KIF27: variants seen among roughly 807,000 people sequenced by gnomAD.
The protein encoded by KIF27 is kinesin family member 27.
A neutral mutation model predicts 141.8 loss-of-function variants in KIF27; 84 were observed. That is an observed-to-expected ratio of 0.59 (90% CI 0.50 to 0.71). The LOEUF is 0.71. KIF27 is among the 30% of genes least tolerant of loss of function. The pLI is 0.00. For synonymous variants in KIF27, 471 were observed against 569.5 expected (o/e 0.83, Z 2.46); for missense variants, 1,306 against 1,628.4 (o/e 0.80, Z 3.41).
chr9:83,912,819 T>C (rs1955303917), intron 2 of KIF27, among the ~76,000 whole-genome samples: 1 of 152,012 alleles, frequency 6.6e-6, no homozygotes, highest in Non-Finnish European at 1.5e-5. Flanking sequence ...AATTCCAACG[T>C]TCTGAAAAGC....
At chr9:83,903,010 T>C in intron 4 of KIF27, 50 bp downstream of exon 4, 1 of 1,163,912 alleles carries the variant, frequency 8.6e-7, no homozygotes, top group Non-Finnish European at 1.2e-6. Flanking sequence ...TGTACATCTA[T>C]TATGTATCAA....
At chr9:83,917,146 C>CTT (rs776829831) in intron 1 of KIF27, among the ~76,000 whole-genome samples, 2 of 151,392 alleles carry the variant, frequency 1.3e-5, no homozygotes, top group Non-Finnish European at 2.9e-5. Flanking sequence ...CCCCACCCCA[C>CTT]AACAAGCCCC....
chr9:83,834,919 A>G lies in KIF27; in HGVS notation c.*2082T>C, dbSNP rs1422988748. 6.8e-6 allele frequency among the ~76,000 whole-genome samples: 1 copy of G among 147,508 alleles called. No homozygotes were observed. Among genetic ancestry groups the G allele is most frequent in the African/African-American group, 2.5e-5 (1 of 39,452 alleles). On this transcript the variant is annotated 3_prime_UTR_variant, in exon 18 of 18. Coordinates refer to ENST00000297814, the MANE Select transcript of KIF27 (RefSeq NM_017576.4). Reference sequence around the variant, plus strand: ...ATAACCTATATCTATATACAAGTATATATATAATACTATATATATACAAGT... The same window carrying G: ...ATAACCTATATCTATATACAAGTATGTATATAATACTATATATATACAAGT...
At chr9:83,839,779 C>A (rs1169360257) in intron 17 of KIF27, among the ~76,000 whole-genome samples, 1 of 152,090 alleles carries the variant, frequency 6.6e-6, no homozygotes, top group Admixed American at 6.6e-5. Flanking sequence ...ATGGTCTCTA[C>A]TAAAAATACA....
chr9:83,862,701 G>A (rs1480758502), intron 13 of KIF27, among the ~76,000 whole-genome samples: 4 of 151,840 alleles, frequency 2.6e-5, no homozygotes, highest in Admixed American at 6.6e-5. Flanking sequence ...GTTTTTTCCA[G>A]TTCTGTGAAG....
chr9:83,917,265 A>C (rs529800839), intron 1 of KIF27, among the ~76,000 whole-genome samples: 101 of 152,320 alleles, frequency 6.6e-4, no homozygotes, highest in African/African-American at 2.3e-3. Flanking sequence ...AAATAAATTT[A>C]ACAAAAGATG....
chr9:83,843,852 A>G (rs1946875498), intron 16 of KIF27, among the ~76,000 whole-genome samples: 1 of 152,160 alleles, frequency 6.6e-6, no homozygotes, highest in Non-Finnish European at 1.5e-5. Flanking sequence ...CCTCCGGGGT[A>G]GCTGGGACCA....
At chr9:83,909,672 C>CA (rs1954943571) in intron 2 of KIF27, among the ~76,000 whole-genome samples, 1 of 146,900 alleles carries the variant, frequency 6.8e-6, no homozygotes, top group Non-Finnish European at 1.5e-5. Flanking sequence ...AGGAATGAAA[C>CA]AGACATTAAG....
chr9:83,907,291 AAAAT>A (rs201873830), intron 3 of KIF27, among the ~76,000 whole-genome samples: 47,855 of 138,226 alleles, frequency 0.35, 8,670 homozygotes, highest in Admixed American at 0.37. Context: ...CTCCATCTCA[AAAAT>A]AAATAAATAA....
chr9:83,843,212 A>C (rs563971142), intron 16 of KIF27, among the ~76,000 whole-genome samples: 51 of 147,336 alleles, frequency 3.5e-4, no homozygotes, highest in Non-Finnish European at 7.0e-4. Context: ...ACAAAGGAAA[A>C]CACCACAGAA....
intron 13 of KIF27, chr9:83,860,076 TA>T (rs1474574117): frequency 2.0e-5 from 3 of 152,210 alleles, no homozygotes; most frequent in Non-Finnish European, 4.4e-5. Flanking sequence ...GGCTTAAACA[TA>T]TAATTTGTTT....
chr9:83,868,494 A>C (rs950364108), intron 12 of KIF27: 4 of 152,236 alleles, frequency 2.6e-5, no homozygotes, highest in African/African-American at 9.7e-5. Flanking sequence ...AAAGAAAAAA[A>C]ACAAAAATAA....
chr9:83,844,309 G>GATATAT (rs1191541388), intron 16 of KIF27, among the ~76,000 whole-genome samples: 12 of 73,702 alleles, frequency 1.6e-4, no homozygotes, highest in East Asian at 1.4e-3. Flanking sequence ...TATATAGAGA[G>GATATAT]AGATATAGAT....
At chr9:83,848,454 A>T (rs923442638) in intron 16 of KIF27, among the ~76,000 whole-genome samples, 1 of 139,920 alleles carries the variant, frequency 7.1e-6, no homozygotes, top group Non-Finnish European at 1.5e-5. Flanking sequence ...CTATATGTAT[A>T]TATCTATATC....
intron 1 of KIF27, among the ~76,000 whole-genome samples, chr9:83,919,448 G>C (rs2132889086): frequency 6.6e-6 from 1 of 152,316 alleles, no homozygotes; most frequent in East Asian, 1.9e-4. Flanking sequence ...TGCAGATGAT[G>C]AAAAGTAATG....
chr9:83,878,161 CAAAA>C (rs58897060), intron 11 of KIF27, among the ~76,000 whole-genome samples: 1 of 38,454 alleles, frequency 2.6e-5, no homozygotes, highest in Non-Finnish European at 5.1e-5. Context: ...GACTCTGTCT[CAAAA>C]AAAAAAAAAA....
intron 14 of KIF27, among the ~76,000 whole-genome samples, chr9:83,854,851 T>C (rs1214897050): frequency 1.3e-5 from 2 of 152,226 alleles, no homozygotes; most frequent in Non-Finnish European, 2.9e-5. Flanking sequence ...TGTGGCAGAC[T>C]ATCTTGTCCA....
chr9:83,910,357 G>T (rs1322136683), intron 2 of KIF27, among the ~76,000 whole-genome samples: 1 of 152,180 alleles, frequency 6.6e-6, no homozygotes. Flanking sequence ...ACAGTCCTTT[G>T]CACTAAAATA....
intron 17 of KIF27, among the ~76,000 whole-genome samples, chr9:83,840,381 G>A (rs1946421253): frequency 6.6e-6 from 1 of 152,036 alleles, no homozygotes; most frequent in South Asian, 2.1e-4. Context: ...GACTCCTTGG[G>A]TAAACTGGTC....
Sources: gnomAD v4.1 joint callset for allele counts (sites outside exome capture counted in the v4.1 genomes callset) on GRCh38, gnomAD v4.1.1 for gene constraint, MANE v1.5 for transcripts, NCBI Gene and HGNC (gene_info 2026-07-23, HGNC 2026-07-21) for gene names.